Variants in SLC15A4 observed in about 807,000 individuals in gnomAD.
SLC15A4 encodes solute carrier family 15 member 4, also known as hPHT1.
A neutral mutation model predicts 46.1 loss-of-function variants in SLC15A4; 26 were observed. The ratio of observed to expected loss-of-function variants is 0.56; its 90% confidence interval spans 0.41 to 0.78. SLC15A4 has a LOEUF of 0.78. Among genes scored for constraint, SLC15A4 ranks in the 30% least tolerant of loss-of-function variants. SLC15A4 has a pLI of 0.00. For synonymous variants in SLC15A4, 370 were observed against 333.4 expected (o/e 1.11, Z -1.20); for missense variants, 751 against 755.7 (o/e 0.99, Z 0.07).
Position 128,823,432 on chromosome 12 carries a change from A to C in SLC15A4, c.512T>G (p.Val171Gly). The change falls in exon 1 of 8, where the codon GTC becomes GGC. Residue 171 changes from valine to glycine, a missense_variant. Val to Gly is a moderately radical substitution (Grantham distance 109, BLOSUM62 -3). Transcript: ENST00000266771. ...GCCGAAGGGCGTGATGTTGGCCTTG[A>C]CGGTGGCCACGCCCAGGCCCACCAG... ...LVLVGLGVAT[V>G]KANITPFGAD... is the part of the protein sequence containing the mutation. 1 of 1,460,308 alleles carries C rather than the reference A, an allele frequency of 6.8e-7. No homozygotes were observed. Among genetic ancestry groups the C allele is most frequent in the East Asian group, 2.9e-5 (1 of 34,592 alleles). 90.5% of individuals were successfully genotyped at this position (1,460,308 alleles called of 1,614,324 possible). A position where few individuals can be genotyped will look rare whatever the true frequency, so the allele number is the denominator to read the frequency against.
intron 3 of SLC15A4, chr12:128,809,736 G>A (rs1311218598): frequency 3.6e-6 from 2 of 553,434 alleles, no homozygotes; most frequent in Non-Finnish European, 3.1e-6. Flanking sequence ...AAGCGTACCT[G>A]TTCTCAGCTT....
intron 1 of SLC15A4, 89 bp from the exon 2 acceptor site, chr12:128,815,159 T>A: frequency 8.0e-7 from 1 of 1,254,620 alleles, no homozygotes; most frequent in Non-Finnish European, 1.1e-6. Flanking sequence ...AAAATTACCG[T>A]TGTCATCACA....
At chr12:128,817,786 A>C (rs1337611610) in intron 1 of SLC15A4, among the ~76,000 whole-genome samples, 1 of 152,166 alleles carries the variant, frequency 6.6e-6, no homozygotes, top group African/African-American at 2.4e-5. Flanking sequence ...AAATAACCAC[A>C]CAGCAGGCAT....
chr12:128,803,908 A>G (rs1410786539), intron 5 of SLC15A4, among the ~76,000 whole-genome samples: 4 of 152,170 alleles, frequency 2.6e-5, no homozygotes, highest in Non-Finnish European at 5.9e-5. Context: ...TTAAGCCCAC[A>G]TGGTGTTTTA....
intron 1 of SLC15A4, among the ~76,000 whole-genome samples, chr12:128,822,766 CCTT>C (rs1362093243): frequency 2.0e-5 from 3 of 152,124 alleles, no homozygotes; most frequent in Non-Finnish European, 4.4e-5. Context: ...GAACTCCTGA[CCTT>C]AGGTGATCCA....
rs553746002 is a variant in SLC15A4 at position 128,797,253 on chromosome 12, G to A, written c.1573+2006C>T. Reference sequence around the variant, plus strand: ...ATAAATGCCTCGTGACGGCTCGTACGAAGGAGCAGTACTCAGAAGTACAGG... The same window carrying A: ...ATAAATGCCTCGTGACGGCTCGTACAAAGGAGCAGTACTCAGAAGTACAGG... On this transcript the variant is annotated intron_variant, in intron 7 of 7. Transcript: ENST00000266771. Among the ~76,000 whole-genome samples, 106 of 152,072 alleles carry A rather than the reference G, an allele frequency of 7.0e-4. 1 individual carries two copies. The South Asian group carries it at 0.02, about 28-fold the overall frequency.
Position 128,799,074 on chromosome 12 carries a change from G to A in SLC15A4, c.1573+185C>T, listed in dbSNP as rs150467190. On this transcript the variant is annotated intron_variant, in intron 7 of 7. Coordinates refer to ENST00000266771, the MANE Select transcript of SLC15A4 (RefSeq NM_145648.4). ...GAGGCCTGCTTGTCTCCTGAAAACC[G>A]TTCATGATGTAAGGAAACACAGTGA... is the stretch of plus-strand genomic sequence containing the variant. Among the ~76,000 whole-genome samples the A allele has an allele frequency of 1.2e-4, 18 of 152,292 alleles. No individual in the cohort carries two copies. The South Asian group carries it at 2.1e-3, about 18-fold the overall frequency.
At position 128,806,737 on chromosome 12, in the gene SLC15A4, C is replaced by T. The variant is rs368900758; in HGVS notation, c.1258+2051G>A. On this transcript the variant is annotated intron_variant, in intron 5 of 7. Transcript: ENST00000266771. ...CACACATGCTGTGAACTTTCCACTT[C>T]CATGTCACCAATTCAGAGGCTCTGG... Among the ~76,000 whole-genome samples the T allele has an allele frequency of 1.2e-4, 18 of 152,186 alleles. 1 individual carries two copies. Among genetic ancestry groups the T allele is most frequent in the Admixed American group, 7.2e-4 (11 of 15,286 alleles).
rs548821557 is a variant in SLC15A4, at chr12:128,821,533, G to A, written c.546+1865C>T. The stretch of plus-strand genomic sequence containing the variant: ...CAATAACGCTTTATTTATGGAGATT[G>A]AAATTTGATTTTCATAAAATTTTCA... On this transcript the variant is annotated intron_variant, in intron 1 of 7. Transcript: ENST00000266771. Among the ~76,000 whole-genome samples the A allele has an allele frequency of 9.2e-5, 14 of 152,320 alleles. No individual in the cohort carries two copies. In the South Asian group the frequency reaches 2.9e-3, roughly 32 times the overall value.
intron 6 of SLC15A4, 68 bp downstream of exon 6, chr12:128,800,786 C>T (rs1408918161): frequency 2.0e-6 from 3 of 1,485,128 alleles, no homozygotes; most frequent in Non-Finnish European, 2.7e-6. Context: ...TCCAACAGCA[C>T]AGTCAGAATG....
chr12:128,814,915 G>C lies in SLC15A4; in HGVS notation c.702C>G (p.Gly234=). 6.2e-7 allele frequency: 1 copy of C among 1,614,166 alleles called. No homozygotes were observed. Among genetic ancestry groups the C allele is most frequent in the Non-Finnish European group, 8.5e-7 (1 of 1,180,036 alleles). ...TGYAIPTVCV[G]LAFVVFLCGQ... ...CACAGAGGAAGACCACAAAAGCAAG[G>C]CCGACGCAGACAGTGGGGATCGCAT... The change falls in exon 2 of 8, where the codon GGC becomes GGG. Residue 234 remains glycine, a synonymous_variant. Coordinates refer to ENST00000266771, the MANE Select transcript of SLC15A4 (RefSeq NM_145648.4).
intron 5 of SLC15A4, among the ~76,000 whole-genome samples, chr12:128,803,055 C>A (rs1175244278): frequency 6.6e-6 from 1 of 152,160 alleles, no homozygotes; most frequent in East Asian, 1.9e-4. Flanking sequence ...GTGACAGTGA[C>A]ATGGCAAGCG....
At chr12:128,794,718 CGGT>C (rs1231755599) in intron 7 of SLC15A4, among the ~76,000 whole-genome samples, 1 of 152,178 alleles carries the variant, frequency 6.6e-6, no homozygotes, top group African/African-American at 2.4e-5. Flanking sequence ...GACACACATG[CGGT>C]GGTGAAGGGG....
At chr12:128,806,902 CTTTTTTTTTT>C (rs34407311) in intron 5 of SLC15A4, among the ~76,000 whole-genome samples, 1 of 108,288 alleles carries the variant, frequency 9.2e-6, no homozygotes, top group Non-Finnish European at 1.8e-5. Context: ...TTTGCTAGCG[CTTTTTTTTTT>C]TTTTTTTTTT....
At position 128,814,907 on chromosome 12, in the gene SLC15A4, A is replaced by T; in HGVS notation, c.710T>A (p.Phe237Tyr). 3.1e-6 allele frequency: 5 copies of T among 1,614,196 alleles called. No individual in the cohort carries two copies. Among genetic ancestry groups the T allele is most frequent in the Non-Finnish European group, 4.2e-6 (5 of 1,180,038 alleles). Residue 237 changes from phenylalanine (F) to tyrosine (Y), a missense_variant, in exon 2 of 8, where the codon TTT becomes TAT. By Grantham distance (22) the Phe-to-Tyr change is conservative (BLOSUM62 3). Coordinates refer to ENST00000266771, the MANE Select transcript of SLC15A4 (RefSeq NM_145648.4). ...GCTCTGGCCACAGAGGAAGACCACAAAAGCAAGGCCGACGCAGACAGTGGG... is the reference window on the plus strand; with the variant it reads ...GCTCTGGCCACAGAGGAAGACCACATAAGCAAGGCCGACGCAGACAGTGGG... ...AIPTVCVGLA[F>Y]VVFLCGQSVF...
In SLC15A4 at chr12:128,794,220, G is replaced by A. The variant is rs367686440; in HGVS notation, c.1710C>T (p.Gly570=). 1.3e-5 allele frequency: 21 copies of A among 1,612,768 alleles called. No individual in the cohort carries two copies. The East Asian group carries it at 2.0e-4, about 15-fold the overall frequency. Residue 570 remains glycine, a synonymous_variant, in exon 8 of 8, where the codon GGC becomes GGT. Transcript: ENST00000266771. ...HRDHQRSRAN[G]VPTSRRA is the part of the protein sequence containing the mutation. ...GTCAGGCCCTCCTGCTGGTGGGCAC[G>A]CCATTGGCTCTTGATCGCTGATGGT... is the stretch of plus-strand genomic sequence containing the variant.
chr12:128,800,423 G>C (rs924509343), intron 6 of SLC15A4, among the ~76,000 whole-genome samples: 1 of 152,142 alleles, frequency 6.6e-6, no homozygotes, highest in African/African-American at 2.4e-5. Context: ...AACCACTGCA[G>C]GATCTCACTA....
Position 128,807,689 on chromosome 12 carries a change from C to T in SLC15A4, c.1258+1099G>A, listed in dbSNP as rs190514094. 1.2e-4 allele frequency among the ~76,000 whole-genome samples: 19 copies of T among 152,358 alleles called. No individual in the cohort carries two copies. In the East Asian group the frequency reaches 3.3e-3, roughly 26 times the overall value. ...AGAGCCCTGCGGTGATTCAGTTCTT[C>T]TCTGCCCATGCTTATTTCCCCATGT... On this transcript the variant is annotated intron_variant, in intron 5 of 7. Coordinates refer to ENST00000266771, the MANE Select transcript of SLC15A4 (RefSeq NM_145648.4).
At chr12:128,803,049 C>G (rs1435294874) in intron 5 of SLC15A4, among the ~76,000 whole-genome samples, 1 of 152,132 alleles carries the variant, frequency 6.6e-6, no homozygotes, top group Non-Finnish European at 1.5e-5. Context: ...GGCTGAGTGA[C>G]AGTGACATGG....
Sources: gnomAD v4.1 joint callset for allele counts (sites outside exome capture counted in the v4.1 genomes callset) on GRCh38, gnomAD v4.1.1 for gene constraint, MANE v1.5 for transcripts, NCBI Gene and HGNC (gene_info 2026-07-23, HGNC 2026-07-21) for gene names.